The following CDK5RAP2 variants were observed in gnomAD, a reference collection of about 807,000 sequenced individuals.
CDK5RAP2 encodes the protein CDK5 regulatory subunit-associated protein 2.
A neutral mutation model predicts 232.9 loss-of-function variants in CDK5RAP2; 147 were observed. The observed-to-expected ratio is 0.63, with a 90% confidence interval of 0.55 to 0.72. The LOEUF is 0.72. Among genes scored for constraint, CDK5RAP2 ranks in the 30% least tolerant of loss-of-function variants. CDK5RAP2 has a pLI of 0.00. For synonymous variants in CDK5RAP2, 833 were observed against 833.7 expected (o/e 1.00, Z 0.01); for missense variants, 2,195 against 2,231.5 (o/e 0.98, Z 0.33).
intron 23 of CDK5RAP2, among the ~76,000 whole-genome samples, chr9:120,442,416 T>C (rs763190406): frequency 1.3e-5 from 2 of 152,062 alleles, no homozygotes; most frequent in Non-Finnish European, 2.9e-5. Context: ...AAGGGCCTTG[T>C]GAAAAAGAAA....
intron 3 of CDK5RAP2, among the ~76,000 whole-genome samples, chr9:120,557,843 C>A (rs1220322725): frequency 1.3e-5 from 2 of 148,566 alleles, no homozygotes; most frequent in Admixed American, 6.6e-5. Flanking sequence ...CGGCTCACTG[C>A]AACCTCCGCC....
chr9:120,437,535 A>T lies in CDK5RAP2; in HGVS notation c.3723-8T>A. The T allele has an allele frequency of 2.5e-6, 4 of 1,594,396 alleles. No homozygotes were observed. Among genetic ancestry groups the T allele is most frequent in the Non-Finnish European group, 3.4e-6 (4 of 1,162,052 alleles). On this transcript the variant is annotated splice_polypyrimidine_tract_variant and splice_region_variant and intron_variant, in intron 24 of 37. Transcript: ENST00000349780. ...TGAACTAATGAATCGTATCTGATAA[A>T]AGAGGGGAAAGAAAATACTTGGACC...
At chr9:120,533,911 C>G (rs7853010) in intron 7 of CDK5RAP2, among the ~76,000 whole-genome samples, 127,695 of 151,770 alleles carry the variant, frequency 0.84, 54,762 homozygotes, top group Non-Finnish European at 0.93. Flanking sequence ...ATCACATCCA[C>G]TCTACCTTCT....
intron 25 of CDK5RAP2, among the ~76,000 whole-genome samples, chr9:120,428,379 AAG>A (rs1256455603): frequency 2.0e-5 from 3 of 152,240 alleles, no homozygotes; most frequent in Non-Finnish European, 4.4e-5. Flanking sequence ...TAAAGAAAAA[AAG>A]AGAGAAGAAT....
At chr9:120,556,208 C>T (rs1016966040) in intron 3 of CDK5RAP2, among the ~76,000 whole-genome samples, 1 of 152,144 alleles carries the variant, frequency 6.6e-6, no homozygotes, top group African/African-American at 2.4e-5. Context: ...AGGGAATATA[C>T]ATCTGTCAGA....
intron 14 of CDK5RAP2, among the ~76,000 whole-genome samples, chr9:120,482,532 G>A (rs1335798464): frequency 6.6e-6 from 1 of 152,036 alleles, no homozygotes; most frequent in African/African-American, 2.4e-5. Flanking sequence ...CACACTCCAG[G>A]GCACTTCACA....
intron 12 of CDK5RAP2, among the ~76,000 whole-genome samples, chr9:120,497,915 G>A (rs1460413684): frequency 6.6e-6 from 1 of 152,124 alleles, no homozygotes; most frequent in Non-Finnish European, 1.5e-5. Flanking sequence ...CTAAGCCCAG[G>A]GCATAAAACC....
At chr9:120,410,225 A>C (rs1373570934) in intron 29 of CDK5RAP2, among the ~76,000 whole-genome samples, 1 of 152,198 alleles carries the variant, frequency 6.6e-6, no homozygotes, top group Non-Finnish European at 1.5e-5. Flanking sequence ...ATTCTTAAAC[A>C]CAACAAGATA....
chr9:120,403,245 C>T lies in CDK5RAP2; in HGVS notation c.5042-174G>A. 1 of 619,824 alleles carries T rather than the reference C, an allele frequency of 1.6e-6. No homozygotes were observed. 38.4% of individuals were successfully genotyped at this position (619,824 alleles called of 1,614,324 possible). On this transcript the variant is annotated intron_variant, in intron 33 of 37. Coordinates refer to ENST00000349780, the MANE Select transcript of CDK5RAP2 (RefSeq NM_018249.6). The surrounding 1 kb of genome is among the most constrained non-coding windows in gnomAD (Gnocchi z 4.2). Reference sequence around the variant, plus strand: ...GCTCCTGGACCTCTGTATATTACCCCACACTGGGCTTATGAGTCATCTTGT... The same window carrying T: ...GCTCCTGGACCTCTGTATATTACCCTACACTGGGCTTATGAGTCATCTTGT...
Position 120,491,335 on chromosome 9 carries a change from C to T in CDK5RAP2, c.1454G>A (p.Ser485Asn). 5 of 1,613,658 alleles carry T rather than the reference C, an allele frequency of 3.1e-6. No homozygotes were observed. The highest frequency in any genetic ancestry group is 4.2e-6 in the Non-Finnish European group (5 of 1,179,754). ...AAGCAACACGTCCTTCTGATTGGTA[C>T]TTTCTGTTAGATGTTTGATCACTTG... ...QEQVIKHLTE[S>N]TNQKDVLLQK... is the part of the protein sequence containing the mutation. The change falls in exon 13 of 38, where the codon AGT (serine) becomes AAT (asparagine). Residue 485 changes from serine (S) to asparagine (N), a missense_variant. Coordinates refer to ENST00000349780, the MANE Select transcript of CDK5RAP2 (RefSeq NM_018249.6).
chr9:120,460,521 T>C, intron 19 of CDK5RAP2, 51 bp downstream of exon 19: 1 of 1,547,696 alleles, frequency 6.5e-7, no homozygotes, highest in Non-Finnish European at 8.9e-7. Flanking sequence ...AAGACTGATT[T>C]GGACATAGAG....
intron 25 of CDK5RAP2, among the ~76,000 whole-genome samples, chr9:120,426,296 A>C (rs180981788): frequency 6.6e-6 from 1 of 152,330 alleles, no homozygotes; most frequent in African/African-American, 2.4e-5. Flanking sequence ...GGTCCTGAGA[A>C]CATGTGCCCA....
At chr9:120,530,166 TAA>T in intron 7 of CDK5RAP2, 26 bp from the exon 8 acceptor site, 1 of 1,588,322 alleles carries the variant, frequency 6.3e-7, no homozygotes, top group Non-Finnish European at 8.6e-7. Context: ...ATTTAAATAT[TAA>T]TTCTAAGCTG....
chr9:120,397,562 AAAAG>A (rs1263145342), intron 35 of CDK5RAP2, among the ~76,000 whole-genome samples: 9,609 of 120,050 alleles, frequency 0.08, 350 homozygotes, highest in African/African-American at 0.12. Flanking sequence ...AAAAAAAAAA[AAAAG>A]AAAAAAGAAA....
intron 11 of CDK5RAP2, among the ~76,000 whole-genome samples, chr9:120,521,447 G>C (rs576977351): frequency 6.6e-6 from 1 of 152,010 alleles, no homozygotes; most frequent in African/African-American, 2.4e-5. Flanking sequence ...GAATCATGGG[G>C]GCAGGTTTTT....
chr9:120,515,810 CACAATGAG>C (rs1188272312), intron 12 of CDK5RAP2, among the ~76,000 whole-genome samples: 1 of 152,134 alleles, frequency 6.6e-6, no homozygotes, highest in Non-Finnish European at 1.5e-5. Context: ...AAATCAAAAC[CACAATGAG>C]ATACCACCTC....
At chr9:120,576,483 C>G (rs2043035965) in intron 1 of CDK5RAP2, among the ~76,000 whole-genome samples, 1 of 152,156 alleles carries the variant, frequency 6.6e-6, no homozygotes, top group African/African-American at 2.4e-5. Flanking sequence ...GGGCAGATCA[C>G]CTGAGGTCAA....
intron 12 of CDK5RAP2, among the ~76,000 whole-genome samples, chr9:120,496,368 C>T (rs1199531456): frequency 1.4e-5 from 2 of 140,260 alleles, no homozygotes; most frequent in Admixed American, 6.9e-5. Flanking sequence ...CCGCCCCGTC[C>T]GGGAGGGAGG....
chr9:120,525,467 T>C lies in CDK5RAP2; in HGVS notation c.1000-389A>G, dbSNP rs571919079. Among the ~76,000 whole-genome samples the C allele has an allele frequency of 1.0e-3, 155 of 152,222 alleles. 2 individuals are homozygous for C. The highest frequency in any genetic ancestry group is 1.8e-3 in the Admixed American group (27 of 15,296). On this transcript the variant is annotated intron_variant, in intron 10 of 37. Coordinates refer to ENST00000349780, the MANE Select transcript of CDK5RAP2 (RefSeq NM_018249.6). ...CAAATTCCTCAGCCTCCAGTGACTT[T>C]CTCCTATACCCCGGAGTTGGCCATG...
Sources: gnomAD v4.1 joint callset for allele counts (sites outside exome capture counted in the v4.1 genomes callset) on GRCh38, gnomAD v4.1.1 for gene constraint, Gnocchi (gnomAD v3.1) non-coding constraint, MANE v1.5 for transcripts, NCBI Gene and HGNC (gene_info 2026-07-23, HGNC 2026-07-21) for gene names.